Variants in EYS observed in about 807,000 individuals in gnomAD.
The protein encoded by EYS is protein eyes shut homolog.
In EYS, 250 loss-of-function variants were observed where a neutral mutation model predicts 282.1. The ratio of observed to expected loss-of-function variants is 0.89; its 90% CI spans 0.80 to 0.98. EYS has a LOEUF of 0.98. Ranked by LOEUF, EYS falls within the 50% of genes least tolerant of loss-of-function variation. The pLI, the probability that EYS is intolerant of heterozygous loss-of-function variation, is 0.00. For synonymous variants in EYS, 1,355 were observed against 1,282.9 expected (o/e 1.06, Z -1.20); for missense variants, 4,016 against 3,709.0 (o/e 1.08, Z -2.15).
intron 26 of EYS, among the ~76,000 whole-genome samples, chr6:64,497,210 C>A (rs1776917380): frequency 6.6e-6 from 1 of 152,116 alleles, no homozygotes; most frequent in Non-Finnish European, 1.5e-5. Context: ...TAGTGTACAA[C>A]AGAAGACAAA....
intron 33 of EYS, among the ~76,000 whole-genome samples, chr6:64,057,591 G>T (rs1446369068): frequency 6.6e-6 from 1 of 152,128 alleles, no homozygotes; most frequent in Non-Finnish European, 1.5e-5. Flanking sequence ...ACTATCCAAA[G>T]AGAGATGTCT....
At chr6:64,625,529 T>C (rs1767578022) in intron 23 of EYS, among the ~76,000 whole-genome samples, 2 of 152,190 alleles carry the variant, frequency 1.3e-5, no homozygotes, top group South Asian at 4.1e-4. Flanking sequence ...CAGCTAGCTC[T>C]CTAGGGTCTA....
intron 22 of EYS, among the ~76,000 whole-genome samples, chr6:64,653,975 T>C (rs1012461968): frequency 2.0e-5 from 3 of 152,208 alleles, no homozygotes; most frequent in Non-Finnish European, 4.4e-5. Flanking sequence ...TTGGAGATTA[T>C]TTATATTCAT....
chr6:63,749,570 G>T (rs1191848164), intron 41 of EYS, among the ~76,000 whole-genome samples: 1 of 152,114 alleles, frequency 6.6e-6, no homozygotes, highest in Non-Finnish European at 1.5e-5. Context: ...TCTGTCTACA[G>T]ATGCTCCCAT....
intron 2 of EYS, among the ~76,000 whole-genome samples, chr6:65,631,795 A>G (rs1562299484): frequency 6.6e-6 from 1 of 152,188 alleles, no homozygotes; most frequent in Non-Finnish European, 1.5e-5. Flanking sequence ...TAGGTGTTCC[A>G]GGAACTGTGA....
chr6:64,406,443 A>G (rs1162752276), intron 28 of EYS, among the ~76,000 whole-genome samples: 2 of 152,190 alleles, frequency 1.3e-5, no homozygotes, highest in Non-Finnish European at 1.5e-5. Context: ...AATGGCAACA[A>G]AAGCCAAAAT....
chr6:64,752,992 C>A (rs993183248), intron 22 of EYS, among the ~76,000 whole-genome samples: 1 of 152,088 alleles, frequency 6.6e-6, no homozygotes, highest in African/African-American at 2.4e-5. Flanking sequence ...ATTTTGTATA[C>A]TGCTAAACAA....
chr6:64,759,099 A>G (rs1365294387), intron 22 of EYS, among the ~76,000 whole-genome samples: 1 of 152,186 alleles, frequency 6.6e-6, no homozygotes, highest in African/African-American at 2.4e-5. Flanking sequence ...AGATCACTCC[A>G]CTGCACTCCA....
chr6:65,545,692 T>A (rs191961401), intron 2 of EYS, among the ~76,000 whole-genome samples: 1 of 152,118 alleles, frequency 6.6e-6, no homozygotes, highest in Non-Finnish European at 1.5e-5. Flanking sequence ...CAAAATAAGC[T>A]ACATATTTAT....
chr6:65,131,734 C>A (rs1775884830), intron 12 of EYS, among the ~76,000 whole-genome samples: 1 of 151,802 alleles, frequency 6.6e-6, no homozygotes. Flanking sequence ...CAGAACTGAA[C>A]TGAAGGAAAT....
chr6:64,241,380 T>C (rs1766823353), intron 30 of EYS, among the ~76,000 whole-genome samples: 1 of 152,104 alleles, frequency 6.6e-6, no homozygotes, highest in Non-Finnish European at 1.5e-5. Flanking sequence ...GTTTTGGACT[T>C]TTTTTGGTTG....
chr6:64,987,403 A>G (rs1217294194), intron 14 of EYS, among the ~76,000 whole-genome samples: 1 of 151,600 alleles, frequency 6.6e-6, no homozygotes, highest in Non-Finnish European at 1.5e-5. Flanking sequence ...TCTCAACCTC[A>G]CCTTCTATTC....
chr6:65,145,736 T>G (rs1764460835), intron 12 of EYS, among the ~76,000 whole-genome samples: 1 of 152,028 alleles, frequency 6.6e-6, no homozygotes, highest in Admixed American at 6.6e-5. Flanking sequence ...TCATCATTGC[T>G]TCCTCGTTCT....
In EYS at chr6:63,721,752, C is replaced by T. The variant is rs772060050; in HGVS notation, c.8279G>A (p.Arg2760His). The change falls in exon 43 of 43, where the codon CGC becomes CAC. Residue 2760 changes from arginine to histidine, a missense_variant. Physicochemically the swap from Arg to His is conservative, Grantham distance 29. Coordinates refer to ENST00000503581, the MANE Select transcript of EYS (RefSeq NM_001142800.2). ...GATAGTTCTGTCGCCAAGGTTGTAG[C>T]GAAGTTGAACGGAACTATTTACTAA... ...ISLVNSSVQL[R>H]YNLGDRTIIL... The T allele has an allele frequency of 7.1e-6, 11 of 1,550,894 alleles. No individual in the cohort carries two copies. The highest frequency in any genetic ancestry group is 6.0e-5 in the South Asian group (5 of 83,992).
chr6:64,058,676 G>T (rs1298886126), intron 33 of EYS, among the ~76,000 whole-genome samples: 1 of 151,998 alleles, frequency 6.6e-6, no homozygotes, highest in Admixed American at 6.6e-5. Flanking sequence ...TTGCTATTCT[G>T]CCCCAATTTT....
Position 63,760,671 on chromosome 6 carries a change from TC to T in EYS, c.8071+1789del, listed in dbSNP as rs1434536143. On this transcript the variant is annotated intron_variant, in intron 41 of 42. Transcript: ENST00000503581. ...GTATATCTATCTATCTATCTATCTATCTATCTATCTATCTATCTATCTATCT... is the reference window on the plus strand; with the variant it reads ...GTATATCTATCTATCTATCTATCTATTATCTATCTATCTATCTATCTATCT... Among the ~76,000 whole-genome samples, 809 of 151,346 alleles carry T rather than the reference TC, an allele frequency of 5.3e-3. 6 individuals are homozygous for T. The highest frequency in any genetic ancestry group is 0.019 in the African/African-American group (776 of 41,246).
At chr6:64,707,663 C>CAAA (rs59172308) in intron 22 of EYS, among the ~76,000 whole-genome samples, 1 of 101,004 alleles carries the variant, frequency 9.9e-6, no homozygotes. Flanking sequence ...AGACTCGTAT[C>CAAA]AAAAAAAAAA....
chr6:65,006,259 T>TA (rs34590430), intron 13 of EYS, among the ~76,000 whole-genome samples: 11,946 of 145,260 alleles, frequency 0.082, 478 homozygotes, highest in East Asian at 0.14. Context: ...TATTAATAGT[T>TA]AAAAAAAAAA....
intron 35 of EYS, among the ~76,000 whole-genome samples, chr6:63,912,420 G>A (rs200979899): frequency 3.3e-5 from 5 of 152,010 alleles, no homozygotes; most frequent in Non-Finnish European, 7.4e-5. Context: ...TTTTTAACCC[G>A]ATAGACCCCA....
Sources: gnomAD v4.1 joint callset for allele counts (sites outside exome capture counted in the v4.1 genomes callset) on GRCh38, gnomAD v4.1.1 for gene constraint, MANE v1.5 for transcripts, NCBI Gene and HGNC (gene_info 2026-07-23, HGNC 2026-07-21) for gene names.